The following DSG4 variants were observed in gnomAD, a reference collection of about 807,000 sequenced individuals.
DSG4 encodes the protein desmoglein-4.
In DSG4, 87 loss-of-function variants were observed where a neutral mutation model predicts 93.1. The ratio of observed to expected loss-of-function variants is 0.93; its 90% CI spans 0.79 to 1.12. The LOEUF is 1.12. Among genes scored for constraint, DSG4 ranks in the 50% most tolerant of loss-of-function variants. The pLI is 0.00. For synonymous variants in DSG4, 432 were observed against 452.9 expected (o/e 0.95, Z 0.59); for missense variants, 1,373 against 1,285.7 (o/e 1.07, Z -1.04).
chr18:31,399,569 C>A lies in DSG4; in HGVS notation c.1277+26C>A, dbSNP rs182199389. 1.2e-5 allele frequency: 20 copies of A among 1,613,298 alleles called. No homozygotes were observed. The South Asian group carries it at 2.1e-4, about 17-fold the overall frequency. Reference sequence around the variant, plus strand: ...GTACTGCAACTATTTTCTTCATGTTCTATGGTTCTATCCAGTGTTAATTCA... The same window carrying A: ...GTACTGCAACTATTTTCTTCATGTTATATGGTTCTATCCAGTGTTAATTCA... On this transcript the variant is annotated intron_variant, in intron 9 of 15. Coordinates refer to ENST00000308128, the MANE Select transcript of DSG4 (RefSeq NM_177986.5).
chr18:31,379,364 G>T (rs2072110702), intron 1 of DSG4, among the ~76,000 whole-genome samples: 1 of 152,136 alleles, frequency 6.6e-6, no homozygotes, highest in African/African-American at 2.4e-5. Flanking sequence ...TATCTCCACT[G>T]AATACTTACA....
At chr18:31,401,835 G>A (rs2072371493) in intron 10 of DSG4, among the ~76,000 whole-genome samples, 1 of 152,060 alleles carries the variant, frequency 6.6e-6, no homozygotes, top group South Asian at 2.1e-4. Flanking sequence ...GACCTTTCCA[G>A]TATCAAAACA....
At chr18:31,390,606 A>G in intron 5 of DSG4, 50 bp from the exon 6 acceptor site, 1 of 1,608,520 alleles carries the variant, frequency 6.2e-7, no homozygotes, top group Non-Finnish European at 8.5e-7. Flanking sequence ...TGATTTGCTG[A>G]ATTTATTCTA....
At position 31,411,367 on chromosome 18, in the gene DSG4, G is replaced by A. The variant is rs897730958; in HGVS notation, c.2274G>A (p.Lys758=). The change falls in exon 15 of 16, where the codon AAG becomes AAA. Residue 758 remains lysine, a synonymous_variant. Transcript: ENST00000308128. ...CAGGAGCCTCAGGGGCCGCAAGGAA[G>A]AGGAGCTCTACCATGGGAACCCTGC... ...GAAGASGAAR[K]RSSTMGTLRD... is the part of the protein sequence containing the mutation. 15 of 1,614,060 alleles carry A rather than the reference G, an allele frequency of 9.3e-6. No individual in the cohort carries two copies. Among genetic ancestry groups the A allele is most frequent in the African/African-American group, 8.0e-5 (6 of 74,920 alleles).
At chr18:31,408,499 G>A (rs1224257648) in intron 12 of DSG4, among the ~76,000 whole-genome samples, 1 of 152,206 alleles carries the variant, frequency 6.6e-6, no homozygotes, top group Non-Finnish European at 1.5e-5. Context: ...GTTGTAATAA[G>A]ACTAAAGCTG....
intron 8 of DSG4, among the ~76,000 whole-genome samples, chr18:31,398,658 C>A (rs1264161878): frequency 1.3e-5 from 2 of 151,966 alleles, no homozygotes; most frequent in Admixed American, 6.6e-5. Flanking sequence ...TCCAGAATAC[C>A]CATTTCAAAG....
rs1020839 is a variant in DSG4 at position 31,409,711 on chromosome 18, C to T, written c.2074-34C>T. The T allele has an allele frequency of 0.12, 200,395 of 1,613,570 alleles. 13,738 individuals carry two copies. The highest frequency in any genetic ancestry group is 0.24 in the Admixed American group (14,158 of 59,996). On this transcript the variant is annotated intron_variant, in intron 13 of 15. Coordinates refer to ENST00000308128, the MANE Select transcript of DSG4 (RefSeq NM_177986.5). ...CAGTTTTTAAATGTTTAACATAAAGCGTTTGTTTTTAAAATGTTTATTTTT... is the reference window on the plus strand; with the variant it reads ...CAGTTTTTAAATGTTTAACATAAAGTGTTTGTTTTTAAAATGTTTATTTTT...
chr18:31,377,719 G>A (rs1404372720), intron 1 of DSG4, among the ~76,000 whole-genome samples: 1 of 152,182 alleles, frequency 6.6e-6, no homozygotes, highest in South Asian at 2.1e-4. Flanking sequence ...GAAGAACAAA[G>A]TTCCAGTTGG....
In DSG4 at chr18:31,399,452, G is replaced by A. The variant is rs1406796670; in HGVS notation, c.1186G>A (p.Glu396Lys). Reference sequence around the variant, plus strand: ...AAGTACTATGGCTTTTAGTGTGCGGGAAGGAATAAAAGGAAGTTCCTTATT... The same window carrying A: ...AAGTACTATGGCTTTTAGTGTGCGGAAAGGAATAAAAGGAAGTTCCTTATT... ...HPSTMAFSVREGIKGSSLLNY... is the reference protein window; with the variant it reads ...HPSTMAFSVRKGIKGSSLLNY... The change falls in exon 9 of 16, where the codon GAA becomes AAA. Residue 396 changes from glutamate to lysine, a missense_variant. Glu to Lys is a moderately conservative substitution (Grantham distance 56, BLOSUM62 1). Transcript: ENST00000308128. 1.2e-6 allele frequency: 2 copies of A among 1,613,972 alleles called. No individual in the cohort carries two copies. Among genetic ancestry groups the A allele is most frequent in the Non-Finnish European group, 8.5e-7 (1 of 1,179,978 alleles).
Position 31,385,760 on chromosome 18 carries a change from C to T in DSG4, c.84+589C>T, listed in dbSNP as rs150273846. On this transcript the variant is annotated intron_variant, in intron 2 of 15. Coordinates refer to ENST00000308128, the MANE Select transcript of DSG4 (RefSeq NM_177986.5). ...GAATAGGTGGTACATTTCAGTAAGT[C>T]GTATCAAAATGGAGAAATAATGTAA... 2.6e-4 allele frequency among the ~76,000 whole-genome samples: 39 copies of T among 152,056 alleles called. 1 individual carries two copies. In the South Asian group the frequency reaches 5.8e-3, roughly 23 times the overall value.
chr18:31,403,782 T>A (rs2072396349), intron 11 of DSG4, 148 bp downstream of exon 11: 1 of 728,526 alleles, frequency 1.4e-6, no homozygotes, highest in Non-Finnish European at 2.3e-6. Context: ...ATATTTCATG[T>A]ACACAGAGGA....
At chr18:31,407,758 C>T (rs925424208) in intron 12 of DSG4, among the ~76,000 whole-genome samples, 13 of 152,188 alleles carry the variant, frequency 8.5e-5, no homozygotes, top group African/African-American at 3.1e-4. Context: ...TGATATTAGA[C>T]ACATTTTCCC....
chr18:31,399,341 T>G lies in DSG4; in HGVS notation c.1075T>G (p.Tyr359Asp). 1.9e-6 allele frequency: 3 copies of G among 1,614,086 alleles called. No homozygotes were observed. Among genetic ancestry groups the G allele is most frequent in the Non-Finnish European group, 2.5e-6 (3 of 1,179,950 alleles). ...IGVKNQADFHYSVASQFQMHP... is the reference protein window; with the variant it reads ...IGVKNQADFHDSVASQFQMHP... ...AGTTAAAAACCAAGCTGATTTTCAC[T>G]ACTCCGTTGCTTCTCAATTCCAAAT... Residue 359 changes from tyrosine (Y) to aspartate (D), a missense_variant, in exon 9 of 16, where the codon TAC becomes GAC. Coordinates refer to ENST00000308128, the MANE Select transcript of DSG4 (RefSeq NM_177986.5).
In DSG4 at chr18:31,378,267, G is replaced by T. The variant is rs190334132; in HGVS notation, c.48+1308G>T. ...TATTTATTTACTAAATAAAATAAAT[G>T]TTACTAAAAGAAGAGGCAAGAATCG... is the stretch of plus-strand genomic sequence containing the variant. On this transcript the variant is annotated intron_variant, in intron 1 of 15. Transcript: ENST00000308128. Among the ~76,000 whole-genome samples, 35 of 152,296 alleles carry T rather than the reference G, an allele frequency of 2.3e-4. 1 individual carries two copies. In the South Asian group the frequency reaches 5.6e-3, roughly 24 times the overall value.
intron 5 of DSG4, among the ~76,000 whole-genome samples, chr18:31,390,228 G>T (rs972175358): frequency 2.0e-5 from 3 of 152,064 alleles, no homozygotes; most frequent in African/African-American, 7.2e-5. Flanking sequence ...AAGAATATAG[G>T]TGTTCAATAC....
intron 14 of DSG4, 74 bp downstream of exon 14, chr18:31,409,882 A>G: frequency 6.6e-7 from 1 of 1,526,372 alleles, no homozygotes; most frequent in East Asian, 2.3e-5. Context: ...TTCATGTAAA[A>G]GTACCTTATG....
rs2072436573 is a variant in DSG4 at position 31,407,070 on chromosome 18, C to T, written c.1933+697C>T. 2.6e-5 allele frequency among the ~76,000 whole-genome samples: 4 copies of T among 152,186 alleles called. No individual in the cohort carries two copies. The South Asian group carries it at 8.3e-4, about 32-fold the overall frequency. On this transcript the variant is annotated intron_variant, in intron 12 of 15. Coordinates refer to ENST00000308128, the MANE Select transcript of DSG4 (RefSeq NM_177986.5). ...GGATTACAGGCATGAGCCACTGCAC[C>T]CTGCTGAGGATTTCTTTTAAAGGAG...
intron 8 of DSG4, among the ~76,000 whole-genome samples, chr18:31,395,181 G>GA (rs201353732): frequency 0.01 from 1,511 of 150,638 alleles, 17 homozygotes; most frequent in Non-Finnish European, 0.014. Context: ...TTATAAATAT[G>GA]AAAAAAATTA....
At chr18:31,410,198 G>A (rs1357181758) in intron 14 of DSG4, among the ~76,000 whole-genome samples, 3 of 151,986 alleles carry the variant, frequency 2.0e-5, no homozygotes, top group Non-Finnish European at 4.4e-5. Flanking sequence ...ATTGGATTTG[G>A]GATGCTCAAC....
Sources: allele counts gnomAD v4.1 joint callset (sites outside exome capture counted in the v4.1 genomes callset), GRCh38; gene constraint gnomAD v4.1.1; transcripts MANE v1.5; gene names NCBI Gene and HGNC (gene_info 2026-07-23, HGNC 2026-07-21).